SGSM1: variants seen among roughly 807,000 people sequenced by gnomAD.
The protein encoded by SGSM1 is RUN and TBC1 domain containing 2.
Under a neutral mutation model 133.8 loss-of-function variants are expected in SGSM1, and 73 were observed. That is an observed-to-expected ratio of 0.55 (90% CI 0.45 to 0.66). SGSM1 has a LOEUF of 0.66. Among genes scored for constraint, SGSM1 ranks in the 30% least tolerant of loss-of-function variants. The probability of loss-of-function intolerance (pLI) is 0.00; values close to 1 mark genes in which losing one functional copy is unlikely to be tolerated. For missense variants in SGSM1, 1,213 were observed against 1,448.1 expected (o/e 0.84, Z 2.64); for synonymous variants, 563 against 573.0 (o/e 0.98, Z 0.25).
intron 8 of SGSM1, among the ~76,000 whole-genome samples, chr22:24,858,870 T>G (rs1244103755): frequency 6.6e-6 from 1 of 152,188 alleles, no homozygotes; most frequent in Admixed American, 6.5e-5. Context: ...TGCCCAAAAC[T>G]TAATTGAAGT....
At chr22:24,870,435 C>T (rs1023853590) in intron 12 of SGSM1, among the ~76,000 whole-genome samples, 1 of 152,220 alleles carries the variant, frequency 6.6e-6, no homozygotes, top group African/African-American at 2.4e-5. Context: ...CCAGGAAACT[C>T]CACAGCTTCT....
chr22:24,832,330 G>A (rs889487236), intron 2 of SGSM1, among the ~76,000 whole-genome samples: 2 of 152,318 alleles, frequency 1.3e-5, no homozygotes, highest in Admixed American at 6.5e-5. Flanking sequence ...GGCAAGTGCC[G>A]GGCACATATA....
chr22:24,912,576 A>G (rs930208857), intron 21 of SGSM1, 67 bp from the exon 22 acceptor site: 4 of 1,041,384 alleles, frequency 3.8e-6, no homozygotes, highest in Non-Finnish European at 4.3e-6. Context: ...AGATTTGGAG[A>G]GGACAAACAT....
chr22:24,835,363 C>T (rs545618430), intron 2 of SGSM1, among the ~76,000 whole-genome samples: 25 of 152,262 alleles, frequency 1.6e-4, no homozygotes, highest in African/African-American at 6.0e-4. Context: ...TGAGTGCATG[C>T]TCTGTGCCAG....
chr22:24,898,201 C>T lies in SGSM1; in HGVS notation c.2252C>T (p.Pro751Leu), dbSNP rs554716852. 1.2e-6 allele frequency: 2 copies of T among 1,613,704 alleles called. No homozygotes were observed. Among genetic ancestry groups the T allele is most frequent in the Admixed American group, 3.3e-5 (2 of 60,002 alleles). Reference sequence around the variant, plus strand: ...CGGAACACCCCCACGGTGCTGCGACCTAGGGATGGCAGCGTGGATGACAGG... The same window carrying T: ...CGGAACACCCCCACGGTGCTGCGACTTAGGGATGGCAGCGTGGATGACAGG... The part of the protein sequence containing the change: ...AQRNTPTVLR[P>L]RDGSVDDRQS... The change falls in exon 19 of 25, where the codon CCT (proline) becomes CTT (leucine). Residue 751 changes from proline to leucine, a missense_variant. Physicochemically the swap from Pro to Leu is moderately conservative, Grantham distance 98. Coordinates refer to ENST00000400358, the MANE Select transcript of SGSM1 (RefSeq NM_001098497.3).
intron 12 of SGSM1, among the ~76,000 whole-genome samples, chr22:24,872,918 CA>C (rs749490710): frequency 0.014 from 1,695 of 122,078 alleles, 11 homozygotes; most frequent in African/African-American, 0.045. Context: ...GACTCCATCT[CA>C]AAAAAAAAAA....
At chr22:24,830,349 AGAAGGTTG>A (rs1929043770) in intron 2 of SGSM1, among the ~76,000 whole-genome samples, 1 of 152,162 alleles carries the variant, frequency 6.6e-6, no homozygotes, top group Non-Finnish European at 1.5e-5. Flanking sequence ...TCCCAGGGTA[AGAAGGTTG>A]CAGCCAGCTT....
At chr22:24,877,802 C>CTTTT (rs36036968) in intron 13 of SGSM1, among the ~76,000 whole-genome samples, 1,138 of 75,470 alleles carry the variant, frequency 0.015, 4 homozygotes, top group Middle Eastern at 0.02. Flanking sequence ...TTCTTTCTTT[C>CTTTT]TTTTTTTTTT....
At chr22:24,872,960 A>G (rs1336762601) in intron 12 of SGSM1, among the ~76,000 whole-genome samples, 1 of 151,122 alleles carries the variant, frequency 6.6e-6, no homozygotes, top group Admixed American at 6.6e-5. Context: ...TATGTGGCTC[A>G]ATTGTAATTT....
Position 24,924,314 on chromosome 22 carries a change from GC to G in SGSM1, c.*44del. ...CGGCAGCCTCAGCCAAGCTGCCCCT[GC>G]CCCGCTCCTCTGCTTACTTTTCCTC... On this transcript the variant is annotated 3_prime_UTR_variant, in exon 25 of 25. Coordinates refer to ENST00000400358, the MANE Select transcript of SGSM1 (RefSeq NM_001098497.3). 1 of 1,570,300 alleles carries G rather than the reference GC, an allele frequency of 6.4e-7. No individual in the cohort carries two copies. The highest frequency in any genetic ancestry group is 1.1e-5 in the South Asian group (1 of 89,942).
chr22:24,894,324 C>T (rs779996898), intron 17 of SGSM1, among the ~76,000 whole-genome samples: 1 of 152,164 alleles, frequency 6.6e-6, no homozygotes, highest in African/African-American at 2.4e-5. Context: ...ACCCGGGAGG[C>T]GGAAGTTGCA....
intron 20 of SGSM1, among the ~76,000 whole-genome samples, chr22:24,903,328 C>A (rs1412961450): frequency 6.6e-6 from 1 of 151,812 alleles, no homozygotes; most frequent in African/African-American, 2.4e-5. Flanking sequence ...CCTACCTCAG[C>A]CTCCCGAGTA....
intron 2 of SGSM1, among the ~76,000 whole-genome samples, chr22:24,828,549 A>C (rs1928923576): frequency 6.6e-6 from 1 of 152,194 alleles, no homozygotes; most frequent in Non-Finnish European, 1.5e-5. Flanking sequence ...TGCAAATCAG[A>C]CCACAGTGAG....
chr22:24,837,027 G>T (rs1044307114), intron 2 of SGSM1, among the ~76,000 whole-genome samples: 2 of 152,154 alleles, frequency 1.3e-5, no homozygotes, highest in African/African-American at 4.8e-5. Context: ...CCACAGGGTC[G>T]GTGGGTCTCT....
rs568220308 is a variant in SGSM1, at chr22:24,868,751, G to A, written c.1187G>A (p.Arg396Gln). The A allele has an allele frequency of 8.1e-6, 13 of 1,614,032 alleles. No individual in the cohort carries two copies. The highest frequency in any genetic ancestry group is 1.7e-4 in the Middle Eastern group (1 of 6,060). Residue 396 changes from arginine (R) to glutamine (Q), a missense_variant, in exon 12 of 25, where the codon CGA (arginine) becomes CAA (glutamine). By Grantham distance (43) the Arg-to-Gln change is conservative. Transcript: ENST00000400358. ...AAAGTGTTTCCTAAACTGCGCAAGC[G>A]AAGCCCTCAGGGTTCTGCCGAGTCC... ...KGKVFPKLRK[R>Q]SPQGSAESTS...
chr22:24,851,145 C>G (rs1019533569), intron 5 of SGSM1, among the ~76,000 whole-genome samples: 4 of 151,570 alleles, frequency 2.6e-5, no homozygotes, highest in Non-Finnish European at 5.9e-5. Flanking sequence ...CATGGTGAGC[C>G]TTTTTAACGT....
rs996797957 is a variant in SGSM1, at chr22:24,926,148, A to G, written c.*1874A>G. ...CCACCCTGAGCACACCAGGACGGGG[A>G]TGCATCCTTGCCTTGTGTGCTTGTA... On this transcript the variant is annotated 3_prime_UTR_variant, in exon 25 of 25. Coordinates refer to ENST00000400358, the MANE Select transcript of SGSM1 (RefSeq NM_001098497.3). 2.0e-4 allele frequency: 30 copies of G among 152,152 alleles called. No individual in the cohort carries two copies. The highest frequency in any genetic ancestry group is 7.2e-4 in the African/African-American group (30 of 41,414). 9.4% of individuals were successfully genotyped at this position (152,152 alleles called of 1,614,324 possible). A position where few individuals can be genotyped will look rare whatever the true frequency, so the allele number is the denominator to read the frequency against.
At chr22:24,858,635 CA>C (rs139699) in intron 8 of SGSM1, among the ~76,000 whole-genome samples, 1,053 of 82,992 alleles carry the variant, frequency 0.013, 1 homozygote, top group Middle Eastern at 0.039. Context: ...GACTCCATCT[CA>C]AAAAAAAAAA....
At chr22:24,849,563 C>CA (rs200600003) in intron 4 of SGSM1, among the ~76,000 whole-genome samples, 114 of 151,762 alleles carry the variant, frequency 7.5e-4, no homozygotes, top group Non-Finnish European at 1.1e-3. Flanking sequence ...AAAACAACAA[C>CA]AAAAAAAATG....
Sources: allele counts gnomAD v4.1 joint callset (sites outside exome capture counted in the v4.1 genomes callset), GRCh38; gene constraint gnomAD v4.1.1; transcripts MANE v1.5; gene names NCBI Gene and HGNC (gene_info 2026-07-23, HGNC 2026-07-21).